ZNF600: variants seen among roughly 807,000 people sequenced by gnomAD.
The protein encoded by ZNF600 is zinc finger protein 600.
Under a neutral mutation model 7.3 loss-of-function variants are expected in ZNF600, and 4 were observed. The observed-to-expected ratio is 0.55, with a 90% CI of 0.27 to 1.25. The LOEUF is 1.25. Ranked by LOEUF, ZNF600 falls within the 50% of genes most tolerant of loss-of-function variation. The probability of loss-of-function intolerance (pLI) is 0.12; values close to 1 mark genes in which losing one functional copy is unlikely to be tolerated. For missense variants in ZNF600, 911 were observed against 922.1 expected (o/e 0.99, Z 0.16); for synonymous variants, 290 against 308.9 (o/e 0.94, Z 0.64).
the ZNF600 span, among the ~76,000 whole-genome samples, chr19:52,796,535 C>T: frequency 6.6e-6 from 1 of 151,618 alleles, no homozygotes; most frequent in Non-Finnish European, 1.5e-5. Flanking sequence ...GGCATGATCA[C>T]GGCTCCCTGC....
intron 3 of ZNF600, among the ~76,000 whole-genome samples, chr19:52,770,483 C>T (rs1033463312): frequency 6.6e-6 from 1 of 152,116 alleles, no homozygotes; most frequent in Non-Finnish European, 1.5e-5. Context: ...TAGAAAAGTA[C>T]AATTATGATG....
chr19:52,776,026 C>A (rs1368234260), intron 2 of ZNF600, among the ~76,000 whole-genome samples: 10 of 148,730 alleles, frequency 6.7e-5, no homozygotes, highest in African/African-American at 2.0e-4. Context: ...AACCAAAAAC[C>A]AAAAACTGTT....
intron 1 of ZNF600, among the ~76,000 whole-genome samples, chr19:52,785,835 C>A (rs942158679): frequency 6.6e-6 from 1 of 152,094 alleles, no homozygotes; most frequent in African/African-American, 2.4e-5. Context: ...TCTTTGCTGC[C>A]CCTCTCCCTA....
At chr19:52,788,077 T>A (rs1254036905), upstream of ZNF600, among the ~76,000 whole-genome samples, 1 of 151,946 alleles carries the variant, frequency 6.6e-6, no homozygotes, top group African/African-American at 2.4e-5. Context: ...CACCTTGGGG[T>A]CCACACCCCA....
the ZNF600 span, among the ~76,000 whole-genome samples, chr19:52,824,884 A>T: frequency 7.9e-5 from 12 of 152,120 alleles, no homozygotes; most frequent in Admixed American, 7.9e-4. Flanking sequence ...AAATAACGGG[A>T]CTAAAAATTC....
chr19:52,809,928 GC>G, the ZNF600 span: 1 of 862,366 alleles, frequency 1.2e-6, no homozygotes, highest in Non-Finnish European at 1.9e-6. Context: ...CGGTGGGGAG[GC>G]CGGGGAGGTT....
At chr19:52,798,978 G>T in the ZNF600 span, 1 of 1,135,028 alleles carries the variant, frequency 8.8e-7, no homozygotes, top group Non-Finnish European at 1.2e-6. Context: ...TGTGCCAGGT[G>T]TGAATCACTC....
chr19:52,812,157 C>A, the ZNF600 span, among the ~76,000 whole-genome samples: 1 of 126,902 alleles, frequency 7.9e-6, no homozygotes, highest in Non-Finnish European at 1.6e-5. Flanking sequence ...GGTCAGCCCC[C>A]CGCCCGGCCA....
the ZNF600 span, among the ~76,000 whole-genome samples, chr19:52,824,362 C>T: frequency 2.0e-5 from 3 of 152,094 alleles, no homozygotes; most frequent in African/African-American, 4.8e-5. Context: ...TGACTGGTCG[C>T]GGTGGCTCAT....
intron 3 of ZNF600, among the ~76,000 whole-genome samples, chr19:52,770,739 A>C (rs531213100): frequency 2.0e-5 from 3 of 152,230 alleles, no homozygotes; most frequent in African/African-American, 7.2e-5. Context: ...TTATTCTCCA[A>C]TAAGGATGTT....
chr19:52,810,253 G>T, the ZNF600 span: 2 of 1,298,884 alleles, frequency 1.5e-6, no homozygotes, highest in African/African-American at 1.4e-5. Context: ...CTACCTCCAG[G>T]CAATGCTGGC....
chr19:52,782,072 C>A (rs896706998), intron 1 of ZNF600, among the ~76,000 whole-genome samples: 4 of 151,168 alleles, frequency 2.6e-5, no homozygotes, highest in African/African-American at 9.7e-5. Flanking sequence ...ATATATATAT[C>A]TAAACATTAG....
the ZNF600 span, among the ~76,000 whole-genome samples, chr19:52,817,518 G>T: frequency 6.6e-6 from 1 of 152,122 alleles, no homozygotes; most frequent in Non-Finnish European, 1.5e-5. Context: ...AGGGAGAAAA[G>T]ATTTTCCCTT....
the ZNF600 span, among the ~76,000 whole-genome samples, chr19:52,794,211 G>T: frequency 6.6e-6 from 1 of 152,146 alleles, no homozygotes; most frequent in African/African-American, 2.4e-5. Flanking sequence ...AGTTCAAGAT[G>T]ATTTGAGTCT....
the ZNF600 span, among the ~76,000 whole-genome samples, chr19:52,803,301 G>A: frequency 1.3e-5 from 2 of 151,524 alleles, no homozygotes; most frequent in South Asian, 2.1e-4. Flanking sequence ...GGCTGGTCTC[G>A]AACTCCTGAC....
At chr19:52,783,064 A>G (rs538870056) in intron 1 of ZNF600, among the ~76,000 whole-genome samples, 2 of 138,156 alleles carry the variant, frequency 1.4e-5, no homozygotes, top group Non-Finnish European at 3.4e-5. Flanking sequence ...CACCCCATCC[A>G]TGAAAAGGGA....
At chr19:52,767,068 C>A (rs1404408849) in exon 4 of ZNF600, 2 of 1,613,252 alleles carry the variant, frequency 1.2e-6, no homozygotes. Flanking sequence ...AGGGATGATA[C>A]CTGACTGAAG....
chr19:52,772,724 T>A (rs1278104688), intron 3 of ZNF600, among the ~76,000 whole-genome samples: 1 of 152,058 alleles, frequency 6.6e-6, no homozygotes, highest in Non-Finnish European at 1.5e-5. Context: ...GTACGGTAAG[T>A]GAGGGACAAG....
At chr19:52,803,015 C>A in the ZNF600 span, among the ~76,000 whole-genome samples, 2 of 152,024 alleles carry the variant, frequency 1.3e-5, no homozygotes, top group Non-Finnish European at 2.9e-5. Flanking sequence ...CTTGCCTCAG[C>A]CTCCCAAAGT....
Sources: allele counts gnomAD v4.1 joint callset (sites outside exome capture counted in the v4.1 genomes callset), GRCh38; gene constraint gnomAD v4.1.1; transcripts MANE v1.5; gene names NCBI Gene and HGNC (gene_info 2026-07-23, HGNC 2026-07-21).